The following VAV2 variants were observed in gnomAD, a reference collection of about 807,000 sequenced individuals.
VAV2 encodes guanine nucleotide exchange factor VAV2.
VAV2 carries 67 observed loss-of-function variants against 132.5 expected under a neutral mutation model. That is an observed-to-expected ratio of 0.51 (90% CI 0.42 to 0.62). The LOEUF is 0.62. VAV2 is among the 20% of genes least tolerant of loss of function. VAV2 has a pLI of 0.00. For missense variants in VAV2, 938 were observed against 1,153.6 expected, an observed-to-expected ratio of 0.81 and a Z score of 2.71; for synonymous variants, 492 against 443.5, an observed-to-expected ratio of 1.11 and a Z score of -1.37.
At chr9:133,831,453 A>G (rs1471862929) in intron 4 of VAV2, among the ~76,000 whole-genome samples, 1 of 151,872 alleles carries the variant, frequency 6.6e-6, no homozygotes, top group Non-Finnish European at 1.5e-5. Flanking sequence ...AGAAAAAAAA[A>G]AAATGAAAAA....
chr9:133,846,139 A>G (rs746516339), intron 3 of VAV2, among the ~76,000 whole-genome samples: 32 of 152,206 alleles, frequency 2.1e-4, no homozygotes, highest in Non-Finnish European at 4.3e-4. Context: ...CAAAGAAGAC[A>G]CTGAGGCCCA....
Position 133,806,169 on chromosome 9 carries a change from C to A in VAV2, c.748G>T (p.Val250Leu), listed in dbSNP as rs1835133284. Residue 250 changes from valine (V) to leucine (L), a missense_variant, in exon 9 of 30, where the codon GTG becomes TTG. Transcript: ENST00000371850. ...ATGGCCCTCAGGAAGCTGTGATGCA[C>A]CTTGATCAGGTCCTGGGTTGAAAAC... is the stretch of plus-strand genomic sequence containing the variant. ...VFINLEDLIK[V>L]HHSFLRAIDV... is the part of the protein sequence containing the mutation. The A allele has an allele frequency of 6.2e-7, 1 of 1,612,212 alleles. No individual in the cohort carries two copies. The highest frequency in any genetic ancestry group is 1.3e-5 in the African/African-American group (1 of 74,918).
chr9:133,886,922 G>A (rs1176784583), intron 2 of VAV2, among the ~76,000 whole-genome samples: 1 of 152,238 alleles, frequency 6.6e-6, no homozygotes, highest in East Asian at 1.9e-4. Context: ...ATGCACAGGA[G>A]GCCCAGGGGC....
At chr9:133,974,800 G>A (rs1373143877) in intron 1 of VAV2, among the ~76,000 whole-genome samples, 2 of 74,728 alleles carry the variant, frequency 2.7e-5, no homozygotes, top group African/African-American at 9.8e-5. Flanking sequence ...TGGACAGACA[G>A]GTCAGCACAC....
intron 1 of VAV2, among the ~76,000 whole-genome samples, chr9:133,962,682 G>T (rs908281337): frequency 1.6e-4 from 24 of 152,212 alleles, no homozygotes; most frequent in Non-Finnish European, 5.9e-5. Context: ...CAACATTTTA[G>T]TGATAATTTC....
intron 9 of VAV2, among the ~76,000 whole-genome samples, chr9:133,803,283 C>T (rs1363364182): frequency 2.0e-5 from 3 of 152,200 alleles, no homozygotes; most frequent in South Asian, 4.1e-4. Flanking sequence ...TGCAAAGCTC[C>T]ACAGAGAGCT....
intron 2 of VAV2, among the ~76,000 whole-genome samples, chr9:133,870,169 C>A (rs928360581): frequency 6.6e-6 from 1 of 152,078 alleles, no homozygotes; most frequent in Admixed American, 6.6e-5. Context: ...CAAAAGCGAG[C>A]AGGAAAGGCA....
chr9:133,768,605 G>A lies in VAV2; in HGVS notation c.2435-9C>T, dbSNP rs371403441. The stretch of plus-strand genomic sequence containing the variant: ...GACGCGGGGCGTGAACACTGTTGAG[G>A]GAGATGGGCAGCATCACACAGCTGC... On this transcript the variant is annotated splice_polypyrimidine_tract_variant and intron_variant, in intron 28 of 29. Coordinates refer to ENST00000371850, the MANE Select transcript of VAV2 (RefSeq NM_001134398.2). The surrounding 1 kb of genome is among the most constrained non-coding windows in gnomAD (Gnocchi z 5.3). The A allele has an allele frequency of 8.9e-5, 144 of 1,612,564 alleles. No individual in the cohort carries two copies. The highest frequency in any genetic ancestry group is 1.2e-4 in the Non-Finnish European group (143 of 1,179,450).
At position 133,823,287 on chromosome 9, in the gene VAV2, C is replaced by G. The variant is rs1564380566; in HGVS notation, c.449+10985G>C. Among the ~76,000 whole-genome samples the G allele has an allele frequency of 6.6e-6, 1 of 152,194 alleles. No individual in the cohort carries two copies. Among genetic ancestry groups the G allele is most frequent in the East Asian group, 1.9e-4 (1 of 5,200 alleles). ...GGGAAAGTTGGTGGCAGAGACTGTC[C>G]TGCTGTCCTTTCTAAGCATCTGGTG... is the stretch of plus-strand genomic sequence containing the variant. On this transcript the variant is annotated intron_variant, in intron 4 of 29. Coordinates refer to ENST00000371850, the MANE Select transcript of VAV2 (RefSeq NM_001134398.2). The surrounding 1 kb of genome is among the most constrained non-coding windows in gnomAD (Gnocchi z 5.5).
intron 7 of VAV2, among the ~76,000 whole-genome samples, chr9:133,808,172 C>A (rs1835224522): frequency 6.6e-6 from 1 of 152,192 alleles, no homozygotes; most frequent in African/African-American, 2.4e-5. Context: ...AGCCAGGATT[C>A]TCAGAAGCCA....
rs150581063 is a variant in VAV2 at position 133,972,844 on chromosome 9, A to G, written c.204+19231T>C. Among the ~76,000 whole-genome samples, 116 of 151,240 alleles carry G rather than the reference A, an allele frequency of 7.7e-4. 1 individual carries two copies. The highest frequency in any genetic ancestry group is 2.6e-3 in the African/African-American group (107 of 41,146). On this transcript the variant is annotated intron_variant, in intron 1 of 29. Transcript: ENST00000371850. The stretch of plus-strand genomic sequence containing the variant: ...CCAGGCATGATGCAGGTGGCCCGAG[A>G]TCTCACGTGCCCACTGGACCCATCT...
rs751081735 is a variant in VAV2 at position 133,928,379 on chromosome 9, C to T, written c.321+10724G>A. Among the ~76,000 whole-genome samples, 6 of 152,208 alleles carry T rather than the reference C, an allele frequency of 3.9e-5. No individual in the cohort carries two copies. Among genetic ancestry groups the T allele is most frequent in the African/African-American group, 7.2e-5 (3 of 41,448 alleles). Reference sequence around the variant, plus strand: ...AGGCCTTTGCCAACAGCCCCTGCGCCGGGCTCTGCCGGGAGCCTGAGGCAG... The same window carrying T: ...AGGCCTTTGCCAACAGCCCCTGCGCTGGGCTCTGCCGGGAGCCTGAGGCAG... On this transcript the variant is annotated intron_variant, in intron 2 of 29. Transcript: ENST00000371850. This position sits in a 1 kb window ranked among gnomAD's most constrained non-coding sequence, Gnocchi z 5.4.
At chr9:133,790,814 G>T (rs1225644368) in intron 13 of VAV2, among the ~76,000 whole-genome samples, 1 of 152,016 alleles carries the variant, frequency 6.6e-6, no homozygotes, top group African/African-American at 2.4e-5. Flanking sequence ...TCTTTGTGCT[G>T]CTGGCACCGG....
intron 1 of VAV2, among the ~76,000 whole-genome samples, chr9:133,950,969 C>T (rs1841540872): frequency 1.3e-5 from 2 of 152,328 alleles, no homozygotes; most frequent in South Asian, 4.1e-4. Flanking sequence ...CCCCCACCAC[C>T]CACTAAAATG....
rs559242367 is a variant in VAV2 at position 133,863,432 on chromosome 9, C to T, written c.322-2000G>A. Among the ~76,000 whole-genome samples, 2 of 139,096 alleles carry T rather than the reference C, an allele frequency of 1.4e-5. No homozygotes were observed. The highest frequency in any genetic ancestry group is 2.1e-4 in the South Asian group (1 of 4,680). The allele number at this position is 139,096 out of a possible 152,430, so 91.3% of individuals were successfully genotyped here. Reference sequence around the variant, plus strand: ...CCAGGTCGGGTCGTACAGATGGAACCGGGTCGTACAGATGGAACCGGAGAC... The same window carrying T: ...CCAGGTCGGGTCGTACAGATGGAACTGGGTCGTACAGATGGAACCGGAGAC... On this transcript the variant is annotated intron_variant, in intron 2 of 29. Coordinates refer to ENST00000371850, the MANE Select transcript of VAV2 (RefSeq NM_001134398.2). The surrounding 1 kb of genome is among the most constrained non-coding windows in gnomAD (Gnocchi z 5.0).
At chr9:133,854,413 G>T (rs1436831821) in intron 3 of VAV2, among the ~76,000 whole-genome samples, 1 of 152,250 alleles carries the variant, frequency 6.6e-6, no homozygotes, top group African/African-American at 2.4e-5. Flanking sequence ...CCCAGCCATG[G>T]CTGGACGAAT....
At chr9:133,964,022 C>CATATATATATATATATAT (rs10541639) in intron 1 of VAV2, among the ~76,000 whole-genome samples, 3 of 93,874 alleles carry the variant, frequency 3.2e-5, no homozygotes, top group Non-Finnish European at 4.1e-5. Flanking sequence ...ATTATTCATT[C>CATATATATATATATATAT]ATATATATAT....
intron 9 of VAV2, among the ~76,000 whole-genome samples, chr9:133,801,081 C>T (rs1275648489): frequency 6.6e-6 from 1 of 152,226 alleles, no homozygotes; most frequent in Non-Finnish European, 1.5e-5. Context: ...ACCCCAGCAC[C>T]CAGCCCGGAG....
In VAV2 at chr9:133,882,401, G is replaced by A. The variant is rs565992866; in HGVS notation, c.322-20969C>T. On this transcript the variant is annotated intron_variant, in intron 2 of 29. Transcript: ENST00000371850. ...ACGGGGCTGGAGAGCATCCCCTACGGTTCATGTCCTTCCTGGAACCTCAGA... is the reference window on the plus strand; with the variant it reads ...ACGGGGCTGGAGAGCATCCCCTACGATTCATGTCCTTCCTGGAACCTCAGA... 2.6e-5 allele frequency among the ~76,000 whole-genome samples: 4 copies of A among 152,328 alleles called. No individual in the cohort carries two copies. In the South Asian group the frequency reaches 8.3e-4, roughly 32 times the overall value.
Sources: gnomAD v4.1 joint callset for allele counts (sites outside exome capture counted in the v4.1 genomes callset) on GRCh38, gnomAD v4.1.1 for gene constraint, Gnocchi (gnomAD v3.1) non-coding constraint, MANE v1.5 for transcripts, NCBI Gene and HGNC (gene_info 2026-07-23, HGNC 2026-07-21) for gene names.